ZBTB20: variants seen among roughly 807,000 people sequenced by gnomAD.
The protein encoded by ZBTB20 is zinc finger and BTB domain-containing protein 20.
Under a neutral mutation model 56.9 loss-of-function variants are expected in ZBTB20, and 9 were observed. That is an observed-to-expected ratio of 0.16 (90% CI 0.10 to 0.28). ZBTB20 has a LOEUF of 0.28. ZBTB20 is among the 10% of genes least tolerant of loss of function. The pLI, the probability that ZBTB20 is intolerant of heterozygous loss-of-function variation, is 1.00. For missense variants in ZBTB20, 655 were observed against 1,003.0 expected, an observed-to-expected ratio of 0.65 and a Z score of 4.69; for synonymous variants, 417 against 420.7, an observed-to-expected ratio of 0.99 and a Z score of 0.11.
chr3:114,561,647 C>T (rs1559962439), intron 6 of ZBTB20, among the ~76,000 whole-genome samples: 1 of 152,030 alleles, frequency 6.6e-6, no homozygotes, highest in South Asian at 2.1e-4. Flanking sequence ...ATGCTATAAA[C>T]AGATATGCTC....
At chr3:115,009,800 C>T (rs1192051632) in intron 2 of ZBTB20, among the ~76,000 whole-genome samples, 1 of 151,896 alleles carries the variant, frequency 6.6e-6, no homozygotes, top group Admixed American at 6.6e-5. Flanking sequence ...CCTTCTACCA[C>T]GTTGGGATAC....
rs551367946 is a variant in ZBTB20, at chr3:114,716,917, G to GA, written c.-342-23343dup. On this transcript the variant is annotated intron_variant, in intron 5 of 11. Coordinates refer to ENST00000675478, the MANE Select transcript of ZBTB20 (RefSeq NM_001348800.3). Reference sequence around the variant, plus strand: ...AATAATGGAAACCTGGCCCAGAAATGAAAAAAAGTGGGGGGTATTCATTGA... The same window carrying GA: ...AATAATGGAAACCTGGCCCAGAAATGAAAAAAAAGTGGGGGGTATTCATTGA... 1.2e-4 allele frequency among the ~76,000 whole-genome samples: 18 copies of GA among 151,756 alleles called. No homozygotes were observed. In the East Asian group the frequency reaches 2.3e-3, roughly 20 times the overall value.
intron 4 of ZBTB20, among the ~76,000 whole-genome samples, chr3:114,863,976 T>C (rs2075652099): frequency 6.6e-6 from 1 of 152,048 alleles, no homozygotes; most frequent in South Asian, 2.1e-4. Context: ...CTGAGAGTTC[T>C]GTAATGCTGA....
intron 6 of ZBTB20, among the ~76,000 whole-genome samples, chr3:114,655,968 C>T (rs1003934014): frequency 3.9e-5 from 6 of 152,112 alleles, no homozygotes; most frequent in African/African-American, 1.4e-4. Flanking sequence ...TTCATAGTGT[C>T]ATTTCCCTTC....
intron 10 of ZBTB20, chr3:114,359,441 C>G (rs2081580873): frequency 6.6e-6 from 1 of 152,074 alleles, no homozygotes; most frequent in African/African-American, 2.4e-5. Context: ...GCCGTCATTC[C>G]AAAGTTGAAA....
chr3:114,678,874 C>A (rs2061797153), intron 6 of ZBTB20, among the ~76,000 whole-genome samples: 1 of 152,000 alleles, frequency 6.6e-6, no homozygotes, highest in Admixed American at 6.6e-5. Flanking sequence ...CAAATGTGAT[C>A]TGAAAAGTAG....
intron 6 of ZBTB20, among the ~76,000 whole-genome samples, chr3:114,657,509 A>G (rs2060480735): frequency 6.6e-6 from 1 of 152,212 alleles, no homozygotes; most frequent in African/African-American, 2.4e-5. Flanking sequence ...ATCAGCCAGA[A>G]TGTTAGGGTA....
At chr3:114,615,866 G>T (rs1288290525) in intron 6 of ZBTB20, among the ~76,000 whole-genome samples, 1 of 152,194 alleles carries the variant, frequency 6.6e-6, no homozygotes, top group East Asian at 1.9e-4. Flanking sequence ...ATAGCCACTT[G>T]AGCTCTGCTC....
At chr3:114,517,785 A>G (rs1382039857) in intron 6 of ZBTB20, among the ~76,000 whole-genome samples, 1 of 152,066 alleles carries the variant, frequency 6.6e-6, no homozygotes, top group East Asian at 1.9e-4. Flanking sequence ...CATCTTGGCC[A>G]GGTTGGTCTT....
At chr3:115,020,690 G>T (rs1057134100) in intron 2 of ZBTB20, among the ~76,000 whole-genome samples, 7 of 150,692 alleles carry the variant, frequency 4.6e-5, no homozygotes, top group African/African-American at 1.5e-4. Context: ...AATCTAGTTT[G>T]CTTCTTCATG....
intron 1 of ZBTB20, among the ~76,000 whole-genome samples, chr3:115,139,271 A>G (rs2084742807): frequency 6.6e-6 from 1 of 152,076 alleles, no homozygotes. Flanking sequence ...AATGTTAGAT[A>G]GCTTTAAGCC....
intron 7 of ZBTB20, among the ~76,000 whole-genome samples, chr3:114,396,179 G>A (rs2086320852): frequency 6.6e-6 from 1 of 152,156 alleles, no homozygotes; most frequent in South Asian, 2.1e-4. Flanking sequence ...ATTCTAACAT[G>A]AGCATGATTT....
chr3:114,748,829 A>G (rs2067321871), intron 5 of ZBTB20, among the ~76,000 whole-genome samples: 1 of 152,186 alleles, frequency 6.6e-6, no homozygotes. Context: ...ATAAAAGTAA[A>G]GTGGTGTTAA....
intron 6 of ZBTB20, among the ~76,000 whole-genome samples, chr3:114,535,742 G>T (rs528301764): frequency 6.6e-6 from 1 of 152,072 alleles, no homozygotes; most frequent in Non-Finnish European, 1.5e-5. Context: ...GAAAATCCTC[G>T]ATAAAATACT....
chr3:114,844,499 T>G (rs1164198812), intron 4 of ZBTB20, among the ~76,000 whole-genome samples: 2 of 90,632 alleles, frequency 2.2e-5, no homozygotes, highest in Admixed American at 3.9e-4. Flanking sequence ...CCAGGCTGGT[T>G]GACAGAGCAA....
At chr3:114,985,028 A>G (rs960522311) in intron 2 of ZBTB20, among the ~76,000 whole-genome samples, 1 of 151,958 alleles carries the variant, frequency 6.6e-6, no homozygotes, top group African/African-American at 2.4e-5. Flanking sequence ...GTTACTCTTT[A>G]TCCCACTATC....
intron 7 of ZBTB20, among the ~76,000 whole-genome samples, chr3:114,484,485 A>G (rs975005898): frequency 2.6e-5 from 4 of 152,188 alleles, no homozygotes; most frequent in Admixed American, 1.3e-4. Flanking sequence ...ATATACTGCA[A>G]TACACAAAGG....
At chr3:115,004,111 G>A (rs2079367557) in intron 2 of ZBTB20, among the ~76,000 whole-genome samples, 1 of 151,410 alleles carries the variant, frequency 6.6e-6, no homozygotes, top group African/African-American at 2.4e-5. Flanking sequence ...GCAGAATTTG[G>A]GCCTATACTG....
At chr3:114,793,457 G>C (rs186050124) in intron 5 of ZBTB20, among the ~76,000 whole-genome samples, 4 of 152,124 alleles carry the variant, frequency 2.6e-5, no homozygotes, top group Non-Finnish European at 5.9e-5. Flanking sequence ...AGTAAATCAA[G>C]ATGATGCAGA....
Sources: gnomAD v4.1 joint callset for allele counts (sites outside exome capture counted in the v4.1 genomes callset) on GRCh38, gnomAD v4.1.1 for gene constraint, MANE v1.5 for transcripts, NCBI Gene and HGNC (gene_info 2026-07-23, HGNC 2026-07-21) for gene names.